Variants in SLC6A2 observed in about 807,000 individuals in gnomAD.
SLC6A2 encodes sodium-dependent noradrenaline transporter.
A neutral mutation model predicts 71.7 loss-of-function variants in SLC6A2; 26 were observed. The ratio of observed to expected loss-of-function variants is 0.36; its 90% confidence interval spans 0.27 to 0.50. The LOEUF (loss-of-function observed/expected upper bound fraction) is 0.50, where lower values mean the gene tolerates loss of function less well. SLC6A2 is among the 20% of genes least tolerant of loss of function. The pLI, the probability that SLC6A2 is intolerant of heterozygous loss-of-function variation, is 0.96. For synonymous variants in SLC6A2, 363 were observed against 337.9 expected, an observed-to-expected ratio of 1.07 and a Z score of -0.82; for missense variants, 581 against 803.9, an observed-to-expected ratio of 0.72 and a Z score of 3.35.
In SLC6A2 at chr16:55,698,662, A is replaced by AGG. The variant is rs1224549329; in HGVS notation, c.1489+94_1489+95insGG. ...GAGGCCTTCCATTTCCAGGACAGCC[A>AGG]CCTAAAATTCCAGAGTCCAGCAAGT... is the stretch of plus-strand genomic sequence containing the variant. On this transcript the variant is annotated intron_variant, in intron 11 of 14. Transcript: ENST00000568943. 4 of 865,598 alleles carry AGG rather than the reference A, an allele frequency of 4.6e-6. No individual in the cohort carries two copies. The African/African-American group carries it at 6.6e-5, about 14-fold the overall frequency. The allele number at this position is 865,598 out of a possible 1,614,324, so 53.6% of individuals were successfully genotyped here.
Position 55,686,545 on chromosome 16 carries a change from C to G in SLC6A2, c.783+1264C>G, listed in dbSNP as rs533993061. Among the ~76,000 whole-genome samples the G allele has an allele frequency of 3.3e-5, 5 of 152,262 alleles. No homozygotes were observed. The East Asian group carries it at 9.7e-4, about 29-fold the overall frequency. ...TTGGGGGCCACAGCGCAACAGTCTA[C>G]CTTAATCAGGTGGGTGTCAATTTGG... On this transcript the variant is annotated intron_variant, in intron 5 of 14. Coordinates refer to ENST00000568943, the MANE Select transcript of SLC6A2 (RefSeq NM_001172501.3).
At chr16:55,670,875 G>T (rs1209660014) in intron 3 of SLC6A2, among the ~76,000 whole-genome samples, 1 of 152,126 alleles carries the variant, frequency 6.6e-6, no homozygotes, top group Non-Finnish European at 1.5e-5. Flanking sequence ...GAGTAGCCTC[G>T]CCAACACCTC....
rs145197048 is a variant in SLC6A2 at position 55,703,608 on chromosome 16, G to A, written c.*1262G>A. On this transcript the variant is annotated 3_prime_UTR_variant, in exon 15 of 15. Coordinates refer to ENST00000568943, the MANE Select transcript of SLC6A2 (RefSeq NM_001172501.3). The stretch of plus-strand genomic sequence containing the variant: ...ACTTGGTGCCCTCTGGTGGTGTTTA[G>A]TTTTAGTTCCGTAAGAGAAATGATT... 123 of 985,440 alleles carry A rather than the reference G, an allele frequency of 1.2e-4. No individual in the cohort carries two copies. In the East Asian group the frequency reaches 0.011, roughly 92 times the overall value. 61.0% of individuals were successfully genotyped at this position (985,440 alleles called of 1,614,324 possible). A position where few individuals can be genotyped will look rare whatever the true frequency, so the allele number is the denominator to read the frequency against.
At chr16:55,662,571 C>T (rs1260526234) in intron 2 of SLC6A2, among the ~76,000 whole-genome samples, 1 of 152,134 alleles carries the variant, frequency 6.6e-6, no homozygotes, top group African/African-American at 2.4e-5. Flanking sequence ...CTGAGCAACC[C>T]TCTGATGTGT....
At chr16:55,685,069 T>A in intron 4 of SLC6A2, 74 bp from the exon 5 acceptor site, 1 of 1,448,424 alleles carries the variant, frequency 6.9e-7, no homozygotes, top group African/African-American at 1.4e-5. Context: ...TTGCAGGGAC[T>A]GGTCTGTGGT....
At chr16:55,685,642 AC>A (rs1343518472) in intron 5 of SLC6A2, among the ~76,000 whole-genome samples, 2 of 152,158 alleles carry the variant, frequency 1.3e-5, no homozygotes, top group African/African-American at 2.4e-5. Context: ...TTGAATCTTG[AC>A]CTAAATCTTC....
At position 55,669,702 on chromosome 16, in the gene SLC6A2, G is replaced by T; in HGVS notation, c.406+6G>T. 1 of 1,614,170 alleles carries T rather than the reference G, an allele frequency of 6.2e-7. No individual in the cohort carries two copies. Among genetic ancestry groups the T allele is most frequent in the African/African-American group, 1.3e-5 (1 of 75,068 alleles). ...AATCTGCCCATTCTTCAAAGGTAAAGAAGGGGTGGGAGAAAGTCACGGTTG... is the reference window on the plus strand; with the variant it reads ...AATCTGCCCATTCTTCAAAGGTAAATAAGGGGTGGGAGAAAGTCACGGTTG... On this transcript the variant is annotated splice_donor_region_variant and intron_variant, in intron 3 of 14. Coordinates refer to ENST00000568943, the MANE Select transcript of SLC6A2 (RefSeq NM_001172501.3).
In SLC6A2 at chr16:55,687,190, T is replaced by TTTTAA. The variant is rs67144122; in HGVS notation, c.783+1910_783+1911insTTAAT. On this transcript the variant is annotated intron_variant, in intron 5 of 14. Transcript: ENST00000568943. ...GTGCACTATTATATATCTTGCTATT[T>TTTTAA]TCATCACATACACTTTTCAAAAATG... 4.6e-4 allele frequency among the ~76,000 whole-genome samples: 68 copies of TTTTAA among 147,332 alleles called. 8 individuals are homozygous for TTTTAA. Among genetic ancestry groups the TTTTAA allele is most frequent in the African/African-American group, 1.7e-3 (65 of 39,114 alleles).
At chr16:55,660,906 G>A (rs1341926177) in intron 2 of SLC6A2, among the ~76,000 whole-genome samples, 1 of 152,190 alleles carries the variant, frequency 6.6e-6, no homozygotes, top group Non-Finnish European at 1.5e-5. Context: ...GGTGGCAATG[G>A]TTTAGGCCCC....
chr16:55,692,180 C>G (rs1298542538), intron 6 of SLC6A2, 128 bp downstream of exon 6: 1 of 1,128,598 alleles, frequency 8.9e-7, no homozygotes, highest in Non-Finnish European at 1.3e-6. Flanking sequence ...AGGATCCTTC[C>G]CTGTCTGAGG....
chr16:55,687,984 C>T (rs1965507741), intron 5 of SLC6A2, among the ~76,000 whole-genome samples: 1 of 152,206 alleles, frequency 6.6e-6, no homozygotes, highest in Admixed American at 6.5e-5. Context: ...TATGAGTCCC[C>T]TCTGCATGTG....
intron 11 of SLC6A2, 110 bp from the exon 12 acceptor site, chr16:55,699,444 G>A (rs1965901515): frequency 2.5e-6 from 2 of 814,414 alleles, no homozygotes; most frequent in African/African-American, 3.4e-5. Context: ...CAGGGTATCA[G>A]CATCTTGCCT....
At chr16:55,665,154 G>T (rs572266074) in intron 2 of SLC6A2, among the ~76,000 whole-genome samples, 107 of 152,338 alleles carry the variant, frequency 7.0e-4, no homozygotes, top group Middle Eastern at 6.8e-3. Flanking sequence ...CCACATTCCA[G>T]CCTGGAGCTC....
chr16:55,669,488 C>T, intron 2 of SLC6A2, 77 bp from the exon 3 acceptor site: 5 of 1,536,448 alleles, frequency 3.3e-6, no homozygotes, highest in Middle Eastern at 2.1e-4. Context: ...AGGATCTTTG[C>T]AGCTCTTGCA....
At chr16:55,695,744 G>A (rs751364544) in intron 8 of SLC6A2, among the ~76,000 whole-genome samples, 1 of 152,164 alleles carries the variant, frequency 6.6e-6, no homozygotes, top group Non-Finnish European at 1.5e-5. Context: ...TTACGAATGG[G>A]AAGACTGAGA....
chr16:55,688,289 C>A (rs1965518055), intron 5 of SLC6A2, among the ~76,000 whole-genome samples: 1 of 152,160 alleles, frequency 6.6e-6, no homozygotes, highest in Non-Finnish European at 1.5e-5. Flanking sequence ...CCGGTCTTGG[C>A]AAGTGAAGGT....
chr16:55,692,168 A>G, intron 6 of SLC6A2, 116 bp downstream of exon 6: 1 of 1,231,518 alleles, frequency 8.1e-7, no homozygotes, highest in Admixed American at 1.7e-5. Context: ...GTAGCCTTGG[A>G]CAGGATCCTT....
At chr16:55,693,599 G>A (rs1173391414) in intron 6 of SLC6A2, among the ~76,000 whole-genome samples, 3 of 152,228 alleles carry the variant, frequency 2.0e-5, no homozygotes, top group Admixed American at 1.3e-4. Context: ...ATTGTCTATG[G>A]CTTGTAGAAG....
At chr16:55,680,789 C>G (rs1442550646) in intron 4 of SLC6A2, among the ~76,000 whole-genome samples, 1 of 152,066 alleles carries the variant, frequency 6.6e-6, no homozygotes, top group Non-Finnish European at 1.5e-5. Context: ...AGGGAGCAAC[C>G]AAGAGACAGG....
Sources: gnomAD v4.1 joint callset for allele counts (sites outside exome capture counted in the v4.1 genomes callset) on GRCh38, gnomAD v4.1.1 for gene constraint, MANE v1.5 for transcripts, NCBI Gene and HGNC (gene_info 2026-07-23, HGNC 2026-07-21) for gene names.